CCDC192: variants seen among roughly 807,000 people sequenced by gnomAD.
CCDC192 encodes coiled-coil domain containing 192.
chr5:127,906,993 A>G (rs1753214980), intron 6 of CCDC192, among the ~76,000 whole-genome samples: 1 of 152,120 alleles, frequency 6.6e-6, no homozygotes, highest in South Asian at 2.1e-4. Flanking sequence ...ATGTTTGCTA[A>G]CAATTGATAT....
At chr5:127,882,079 C>G (rs571457526) in intron 6 of CCDC192, among the ~76,000 whole-genome samples, 1 of 152,168 alleles carries the variant, frequency 6.6e-6, no homozygotes, top group South Asian at 2.1e-4. Flanking sequence ...GTTTTACTCC[C>G]ATTAAGGAGG....
chr5:127,733,246 C>T (rs1289987223), intron 2 of CCDC192, among the ~76,000 whole-genome samples: 1 of 152,160 alleles, frequency 6.6e-6, no homozygotes. Context: ...CCCAGACTCT[C>T]TCCTAGGCTG....
chr5:127,919,562 G>A (rs552282465), intron 6 of CCDC192, among the ~76,000 whole-genome samples: 9 of 152,104 alleles, frequency 5.9e-5, no homozygotes, highest in East Asian at 1.9e-4. Context: ...TCAGTGCTTC[G>A]GTACTCAAAG....
At chr5:127,733,047 G>C (rs1296339381) in intron 2 of CCDC192, among the ~76,000 whole-genome samples, 1 of 152,154 alleles carries the variant, frequency 6.6e-6, no homozygotes, top group Non-Finnish European at 1.5e-5. Flanking sequence ...GAAGAGAAGA[G>C]ATGGAACAGA....
chr5:127,738,159 G>A (rs1218490056), intron 2 of CCDC192, among the ~76,000 whole-genome samples: 1 of 151,614 alleles, frequency 6.6e-6, no homozygotes, highest in East Asian at 1.9e-4. Context: ...TTGCTTGTCT[G>A]TAAAGTATTT....
chr5:127,703,320 C>T (rs926205043), upstream of CCDC192: 9 of 396,608 alleles, frequency 2.3e-5, no homozygotes, highest in Non-Finnish European at 4.0e-5. Flanking sequence ...CTGTCTTTTC[C>T]ACATCCATTG....
chr5:127,913,611 T>C (rs1483674987), intron 6 of CCDC192, among the ~76,000 whole-genome samples: 1 of 152,176 alleles, frequency 6.6e-6, no homozygotes. Context: ...TTAAAACATA[T>C]GAAAAGACAT....
chr5:127,752,062 G>T (rs1004691531), intron 2 of CCDC192, among the ~76,000 whole-genome samples: 2 of 151,980 alleles, frequency 1.3e-5, no homozygotes, highest in Non-Finnish European at 2.9e-5. Flanking sequence ...TGGTTTGAAC[G>T]TCCTCCCGTA....
chr5:127,776,854 G>A (rs925707304), intron 3 of CCDC192, among the ~76,000 whole-genome samples: 1 of 152,232 alleles, frequency 6.6e-6, no homozygotes, highest in African/African-American at 2.4e-5. Context: ...TGCGCGTGCA[G>A]AGAAGTCAAG....
Position 127,822,139 on chromosome 5 carries a change from G to A in CCDC192, c.411+23977G>A, listed in dbSNP as rs145554424. Reference sequence around the variant, plus strand: ...CTTGGTAGGTCCCTGCCTTAGACACGTAATCAGAAAACACTGAAAACTGTT... The same window carrying A: ...CTTGGTAGGTCCCTGCCTTAGACACATAATCAGAAAACACTGAAAACTGTT... On this transcript the variant is annotated intron_variant, in intron 5 of 6. Coordinates refer to ENST00000514853, the MANE Select transcript of CCDC192 (RefSeq NM_001317938.2). Among the ~76,000 whole-genome samples the A allele has an allele frequency of 2.8e-4, 42 of 152,276 alleles. No homozygotes were observed. The East Asian group carries it at 5.8e-3, about 21-fold the overall frequency.
At chr5:127,874,598 C>T (rs1016103548) in intron 5 of CCDC192, among the ~76,000 whole-genome samples, 2 of 152,130 alleles carry the variant, frequency 1.3e-5, no homozygotes, top group African/African-American at 4.8e-5. Context: ...ATGATCTTAC[C>T]TAGTGAGCAA....
chr5:127,732,119 C>T (rs577515716), intron 2 of CCDC192, among the ~76,000 whole-genome samples: 1 of 151,508 alleles, frequency 6.6e-6, no homozygotes, highest in African/African-American at 2.4e-5. Context: ...GGTCTAATAT[C>T]CAGGATCTAC....
At chr5:127,733,946 T>G (rs893726645) in intron 2 of CCDC192, among the ~76,000 whole-genome samples, 9 of 150,928 alleles carry the variant, frequency 6.0e-5, no homozygotes, top group African/African-American at 2.2e-4. Context: ...TTTATTATAC[T>G]TTAAGTTTTA....
chr5:127,935,652 G>A (rs1754167260), intron 6 of CCDC192: 1 of 152,160 alleles, frequency 6.6e-6, no homozygotes, highest in South Asian at 2.1e-4. Context: ...TGTTTTCCCA[G>A]TCTATGTATG....
chr5:127,876,405 A>C (rs1002559995), intron 6 of CCDC192, among the ~76,000 whole-genome samples: 2 of 152,208 alleles, frequency 1.3e-5, no homozygotes, highest in African/African-American at 4.8e-5. Flanking sequence ...GAATTCCCTA[A>C]GAATAAGCAG....
chr5:127,846,423 C>G (rs750928945), intron 5 of CCDC192, among the ~76,000 whole-genome samples: 1 of 152,076 alleles, frequency 6.6e-6, no homozygotes, highest in Admixed American at 6.6e-5. Context: ...ACACCCCTTA[C>G]GCCCACAAAA....
At chr5:127,851,414 T>C (rs78934961) in intron 5 of CCDC192, among the ~76,000 whole-genome samples, 3,971 of 152,244 alleles carry the variant, frequency 0.026, 115 homozygotes, top group African/African-American at 0.074. Flanking sequence ...CAACTATTCA[T>C]ATATCAACTA....
In CCDC192 at chr5:127,919,013, ATGTG is replaced by A. The variant is rs1240105322; in HGVS notation, c.536-22163_536-22160del. The stretch of plus-strand genomic sequence containing the variant: ...TGTTTGTATATGTGTGTATGTATAT[ATGTG>A]TGTGTATGTGTATATATGTGTGTAT... On this transcript the variant is annotated intron_variant, in intron 6 of 6. Transcript: ENST00000514853. Among the ~76,000 whole-genome samples the A allele has an allele frequency of 2.8e-3, 402 of 145,220 alleles. 1 individual carries two copies. The highest frequency in any genetic ancestry group is 9.3e-3 in the African/African-American group (375 of 40,214).
intron 2 of CCDC192, among the ~76,000 whole-genome samples, chr5:127,752,260 T>G (rs1257019156): frequency 8.5e-5 from 13 of 152,192 alleles, no homozygotes. Flanking sequence ...ACTTTTGGTC[T>G]TTGATGATGG....
Sources: allele counts gnomAD v4.1 joint callset (sites outside exome capture counted in the v4.1 genomes callset), GRCh38; gene constraint gnomAD v4.1.1; transcripts MANE v1.5; gene names NCBI Gene and HGNC (gene_info 2026-07-23, HGNC 2026-07-21).